The following DNAAF2 variants were observed in gnomAD, a reference collection of about 807,000 sequenced individuals.
The protein encoded by DNAAF2 is protein kintoun.
A neutral mutation model predicts 48.8 loss-of-function variants in DNAAF2; 58 were observed. That is an observed-to-expected ratio of 1.19 (90% CI 0.96 to 1.48). The LOEUF is 1.48. DNAAF2 is among the 40% of genes most tolerant of loss of function. The pLI, the probability that DNAAF2 is intolerant of heterozygous loss-of-function variation, is 0.00. For missense variants in DNAAF2, 1,241 were observed against 1,116.1 expected, an observed-to-expected ratio of 1.11 and a Z score of -1.59; for synonymous variants, 567 against 481.2, an observed-to-expected ratio of 1.18 and a Z score of -2.33.
At position 49,633,924 on chromosome 14, in the gene DNAAF2, C is replaced by A. The variant is rs2139581847; in HGVS notation, c.1226G>T (p.Gly409Val). 6.5e-7 allele frequency: 1 copy of A among 1,531,914 alleles called. No individual in the cohort carries two copies. Among genetic ancestry groups the A allele is most frequent in the Non-Finnish European group, 8.7e-7 (1 of 1,145,160 alleles). 94.9% of individuals were successfully genotyped at this position (1,531,914 alleles called of 1,614,324 possible). The change falls in exon 1 of 3, where the codon GGC (glycine) becomes GTC (valine). Residue 409 changes from glycine to valine, a missense_variant. Transcript: ENST00000298292. ...GHDTCVAGAA[G>V]SGVTTLGDPE... ...GTCGCCCAGGGTGGTGACCCCGGAG[C>A]CCGCAGCCCCAGCCACGCAGGTATC...
intron 2 of DNAAF2, among the ~76,000 whole-genome samples, chr14:49,626,465 G>T (rs554122989): frequency 2.2e-4 from 33 of 152,244 alleles, no homozygotes; most frequent in African/African-American, 7.7e-4. Context: ...CTCCAGCCTG[G>T]GTGACAGGGT....
rs139977680 is a variant in DNAAF2 at position 49,631,605 on chromosome 14, G to C, written c.1863+1682C>G. On this transcript the variant is annotated intron_variant, in intron 1 of 2. Coordinates refer to ENST00000298292, the MANE Select transcript of DNAAF2 (RefSeq NM_018139.3). Reference sequence around the variant, plus strand: ...CCCACTGCACTCCAGTCTGGGCGACGGTGCAAGACTCCATCTCAAAAAACA... The same window carrying C: ...CCCACTGCACTCCAGTCTGGGCGACCGTGCAAGACTCCATCTCAAAAAACA... Among the ~76,000 whole-genome samples the C allele has an allele frequency of 2.8e-4, 43 of 152,062 alleles. 1 individual carries two copies. In the East Asian group the frequency reaches 6.4e-3, roughly 23 times the overall value.
Position 49,627,959 on chromosome 14 carries a change from G to C in DNAAF2, c.2007+53C>G, listed in dbSNP as rs960669186. ...ATATTAAGAAATCAATAATTTGTTAGGTTTTAACTCTGTGCTTCATTACTC... is the reference window on the plus strand; with the variant it reads ...ATATTAAGAAATCAATAATTTGTTACGTTTTAACTCTGTGCTTCATTACTC... On this transcript the variant is annotated intron_variant, in intron 2 of 2. Coordinates refer to ENST00000298292, the MANE Select transcript of DNAAF2 (RefSeq NM_018139.3). 7 of 1,457,382 alleles carry C rather than the reference G, an allele frequency of 4.8e-6. No homozygotes were observed. The African/African-American group carries it at 1.0e-4, about 21-fold the overall frequency. The allele number at this position is 1,457,382 out of a possible 1,614,324, so 90.3% of individuals were successfully genotyped here. A position where few individuals can be genotyped will look rare whatever the true frequency, so the allele number is the denominator to read the frequency against.
Position 49,634,620 on chromosome 14 carries a change from C to A in DNAAF2, c.530G>T (p.Gly177Val). 6.2e-7 allele frequency: 1 copy of A among 1,607,002 alleles called. No individual in the cohort carries two copies. Residue 177 changes from glycine (G) to valine (V), a missense_variant, in exon 1 of 3, where the codon GGC becomes GTC. Gly to Val is a moderately radical substitution (Grantham distance 109). Transcript: ENST00000298292. Reference protein sequence around the residue: ...TALEAVEKQFGVKLDRRNAKT... With the variant: ...TALEAVEKQFVVKLDRRNAKT... Reference sequence around the variant, plus strand: ...GGCATTCCTGCGGTCCAGCTTCACGCCGAACTGCTTCTCGACGGCCTCCAG... The same window carrying A: ...GGCATTCCTGCGGTCCAGCTTCACGACGAACTGCTTCTCGACGGCCTCCAG...
rs58647073 is a variant in DNAAF2 at position 49,630,740 on chromosome 14, T to TACACACACACACACAC, written c.1863+2531_1863+2546dup. ...CACACACACACACACACAAACTCTCTACACACACACACACACTTTTTTTTT... is the reference window on the plus strand; with the variant it reads ...CACACACACACACACACAAACTCTCTACACACACACACACACACACACACACACACACTTTTTTTTT... On this transcript the variant is annotated intron_variant, in intron 1 of 2. Transcript: ENST00000298292. 3.5e-3 allele frequency among the ~76,000 whole-genome samples: 484 copies of TACACACACACACACAC among 136,848 alleles called. 2 individuals are homozygous for TACACACACACACACAC. Among genetic ancestry groups the TACACACACACACACAC allele is most frequent in the Middle Eastern group, 7.6e-3 (2 of 264 alleles). 89.8% of individuals were successfully genotyped at this position (136,848 alleles called of 152,430 possible). A position where few individuals can be genotyped will look rare whatever the true frequency, so the allele number is the denominator to read the frequency against.
In DNAAF2 at chr14:49,634,099, G is replaced by A. The variant is rs1566512457; in HGVS notation, c.1051C>T (p.Pro351Ser). ...QLVVTLPVVLPAARREPAVAV... is the reference protein window; with the variant it reads ...QLVVTLPVVLSAARREPAVAV... The stretch of plus-strand genomic sequence containing the variant: ...ACAGCGGGCTCCCGGCGCGCGGCCG[G>A]CAGCACCACTGGCAGCGTAACCACC... Residue 351 changes from proline to serine, a missense_variant, in exon 1 of 3, where the codon CCG becomes TCG. By Grantham distance (74) the Pro-to-Ser change is moderately conservative (BLOSUM62 -1). Transcript: ENST00000298292. 2 of 1,544,964 alleles carry A rather than the reference G, an allele frequency of 1.3e-6. No homozygotes were observed. The highest frequency in any genetic ancestry group is 2.4e-5 in the South Asian group (2 of 84,102).
chr14:49,627,058 T>A (rs1258757367), intron 2 of DNAAF2, among the ~76,000 whole-genome samples: 1 of 151,040 alleles, frequency 6.6e-6, no homozygotes, highest in African/African-American at 2.4e-5. Context: ...CCTGCCTCGG[T>A]CTCCCAAAGT....
chr14:49,634,898 C>T lies in DNAAF2; in HGVS notation c.252G>A (p.Gly84=). The part of the protein sequence containing the change: ...PGHVLRTSLD[G]ARRCFVNVCS... ...AGACATTCACAAAGCAGCGCCGCGCCCCGTCCAGGCTGGTGCGCAGCACAT... is the reference window on the plus strand; with the variant it reads ...AGACATTCACAAAGCAGCGCCGCGCTCCGTCCAGGCTGGTGCGCAGCACAT... The change falls in exon 1 of 3, where the codon GGG becomes GGA. Residue 84 remains glycine (G), a synonymous_variant. Transcript: ENST00000298292. 1 of 1,550,430 alleles carries T rather than the reference C, an allele frequency of 6.4e-7. No individual in the cohort carries two copies. Among genetic ancestry groups the T allele is most frequent in the Non-Finnish European group, 8.7e-7 (1 of 1,146,782 alleles).
At position 49,634,040 on chromosome 14, in the gene DNAAF2, C is replaced by T. The variant is rs886038643; in HGVS notation, c.1110G>A (p.Ala370=). 3.3e-6 allele frequency: 5 copies of T among 1,519,674 alleles called. No individual in the cohort carries two copies. Among genetic ancestry groups the T allele is most frequent in the East Asian group, 2.5e-5 (1 of 40,492 alleles). 94.1% of individuals were successfully genotyped at this position (1,519,674 alleles called of 1,614,324 possible). A position where few individuals can be genotyped will look rare whatever the true frequency, so the allele number is the denominator to read the frequency against. ...AVAAAAPEES[A]DRSGTDGQAC... ...CCTGGCCGTCAGTTCCGGACCGGTC[C>T]GCGGACTCTTCCGGCGCGGCGGCGG... The change falls in exon 1 of 3, where the codon GCG becomes GCA. Residue 370 remains alanine (A), a synonymous_variant. Coordinates refer to ENST00000298292, the MANE Select transcript of DNAAF2 (RefSeq NM_018139.3).
At chr14:49,630,372 T>C (rs965298795) in intron 1 of DNAAF2, among the ~76,000 whole-genome samples, 7 of 152,164 alleles carry the variant, frequency 4.6e-5, no homozygotes, top group African/African-American at 9.7e-5. Context: ...TCATGTCAAG[T>C]GAATACAGGT....
At position 49,625,869 on chromosome 14, in the gene DNAAF2, T is replaced by C. The variant is rs147110554; in HGVS notation, c.2187A>G (p.Gln729=). ...TTTGAGAAACATCAAGAGACTCTTG[T>C]TGAAAGCATGTAACTAAACCAAAGC... The part of the protein sequence containing the change: ...IDSFGLVTCF[Q]QESLDVSQMI... Residue 729 remains glutamine (Q), a synonymous_variant, in exon 3 of 3, where the codon CAA becomes CAG. Transcript: ENST00000298292. 2.4e-4 allele frequency: 387 copies of C among 1,612,550 alleles called. No individual in the cohort carries two copies. The African/African-American group carries it at 3.4e-3, about 14-fold the overall frequency.
chr14:49,634,582 C>T lies in DNAAF2; in HGVS notation c.568G>A (p.Ala190Thr), dbSNP rs578053535. 7 of 1,605,824 alleles carry T rather than the reference C, an allele frequency of 4.4e-6. No homozygotes were observed. The highest frequency in any genetic ancestry group is 1.3e-5 in the African/African-American group (1 of 75,058). The change falls in exon 1 of 3, where the codon GCC (alanine) becomes ACC (threonine). Residue 190 changes from alanine to threonine, a missense_variant. Transcript: ENST00000298292. ...GCCTCTGGGGTCCCCTTATACTTGG[C>T]CTTCAGGGTCTTGGCATTCCTGCGG... ...LDRRNAKTLK[A>T]KYKGTPEAAV...
chr14:49,635,190 G>C lies in DNAAF2; in HGVS notation c.-41C>G. The C allele has an allele frequency of 3.2e-6, 5 of 1,540,148 alleles. No homozygotes were observed. Among genetic ancestry groups the C allele is most frequent in the Non-Finnish European group, 4.4e-6 (5 of 1,138,874 alleles). ...CTCGCCCTCGGGCCAAAGGCGATCAGTCTGACACTGGGTTGGGGGATCCGC... is the reference window on the plus strand; with the variant it reads ...CTCGCCCTCGGGCCAAAGGCGATCACTCTGACACTGGGTTGGGGGATCCGC... On this transcript the variant is annotated 5_prime_UTR_variant, in exon 1 of 3. Coordinates refer to ENST00000298292, the MANE Select transcript of DNAAF2 (RefSeq NM_018139.3).
chr14:49,625,675 G>A lies in DNAAF2; in HGVS notation c.2381C>T (p.Thr794Met), dbSNP rs185361306. The change falls in exon 3 of 3, where the codon ACG becomes ATG. Residue 794 changes from threonine to methionine, a missense_variant. Transcript: ENST00000298292. ...GTCGAATCCAGGTATATTGTGAACC[G>A]TAGTTTTGTTCAGTAATGAAGATAG... Reference protein sequence around the residue: ...DHLSSLLNKTTVHNIPGFDSI... With the variant: ...DHLSSLLNKTMVHNIPGFDSI... The A allele has an allele frequency of 2.0e-5, 32 of 1,613,684 alleles. No individual in the cohort carries two copies. In the East Asian group the frequency reaches 4.2e-4, roughly 21 times the overall value.
In DNAAF2 at chr14:49,633,804, C is replaced by A; in HGVS notation, c.1346G>T (p.Gly449Val). Residue 449 changes from glycine to valine, a missense_variant, in exon 1 of 3, where the codon GGC (glycine) becomes GTC (valine). Coordinates refer to ENST00000298292, the MANE Select transcript of DNAAF2 (RefSeq NM_018139.3). ...DLSRHAGSPP[G>V]SVEEPSPGGE... Reference sequence around the variant, plus strand: ...TCCAGGAGATGGCTCCTCCACGCTGCCCGGCGGTGACCCCGCGTGCCTGCT... The same window carrying A: ...TCCAGGAGATGGCTCCTCCACGCTGACCGGCGGTGACCCCGCGTGCCTGCT... 1 of 1,589,276 alleles carries A rather than the reference C, an allele frequency of 6.3e-7. No homozygotes were observed. Among genetic ancestry groups the A allele is most frequent in the Non-Finnish European group, 8.5e-7 (1 of 1,174,844 alleles).
rs1393464338 is a variant in DNAAF2 at position 49,635,136 on chromosome 14, G to A, written c.14C>T (p.Ala5Val). The change falls in exon 1 of 3, where the codon GCG (alanine) becomes GTG (valine). Residue 5 changes from alanine (A) to valine (V), a missense_variant. Transcript: ENST00000298292. MAKA[A>V]ASSSLEDLDL... is the part of the protein sequence containing the mutation. ...CAAGTCCTCCAGCGACGAGGAGGCC[G>A]CCGCTTTGGCCATACTGTCCTGTGG... 7 of 1,559,360 alleles carry A rather than the reference G, an allele frequency of 4.5e-6. No individual in the cohort carries two copies. The Admixed American group carries it at 9.6e-5, about 21-fold the overall frequency.
chr14:49,634,405 CGGGCTGCAAGGCCGCTTCCGGAGGGGA>C lies in DNAAF2; in HGVS notation c.718_744del (p.Ser240_Pro248del). ...ACGCTGTAGCGAGGCTCGGTGGGGG[CGGGCTGCAAGGCCGCTTCCGGAGGGGA>C]GGGCGCCCGGGGCCCGGGGGCTGCC... On this transcript the variant is annotated inframe_deletion, in exon 1 of 3. Coordinates refer to ENST00000298292, the MANE Select transcript of DNAAF2 (RefSeq NM_018139.3). 6.3e-7 allele frequency: 1 copy of C among 1,581,086 alleles called. No individual in the cohort carries two copies. The highest frequency in any genetic ancestry group is 8.6e-7 in the Non-Finnish European group (1 of 1,164,036).
rs1594608472 is a variant in DNAAF2, at chr14:49,634,032, G to C, written c.1118C>G (p.Ser373Cys). The C allele has an allele frequency of 6.6e-7, 1 of 1,521,272 alleles. No homozygotes were observed. The highest frequency in any genetic ancestry group is 8.8e-7 in the Non-Finnish European group (1 of 1,139,682). The allele number at this position is 1,521,272 out of a possible 1,614,324, so 94.2% of individuals were successfully genotyped here. Residue 373 changes from serine (S) to cysteine (C), a missense_variant, in exon 1 of 3, where the codon TCC (serine) becomes TGC (cysteine). Physicochemically the swap from Ser to Cys is moderately radical, Grantham distance 112. Transcript: ENST00000298292. ...AAAPEESADR[S>C]GTDGQACASA... Reference sequence around the variant, plus strand: ...AGCGCAGGCCTGGCCGTCAGTTCCGGACCGGTCCGCGGACTCTTCCGGCGC... The same window carrying C: ...AGCGCAGGCCTGGCCGTCAGTTCCGCACCGGTCCGCGGACTCTTCCGGCGC...
In DNAAF2 at chr14:49,634,790, G is replaced by T; in HGVS notation, c.360C>A (p.Ser120=). Residue 120 remains serine, a synonymous_variant, in exon 1 of 3, where the codon TCC becomes TCA. Coordinates refer to ENST00000298292, the MANE Select transcript of DNAAF2 (RefSeq NM_018139.3). ...GGCCGGGCGCCAGGCTGTAGGGCAG[G>T]GACCAGTGGCTGCCAGGAGCTGCGC... ...DRGAAPGSHW[S]LPYSLAPGRE... is the part of the protein sequence containing the mutation. The T allele has an allele frequency of 6.4e-7, 1 of 1,572,712 alleles. No individual in the cohort carries two copies.
Sources: allele counts gnomAD v4.1 joint callset (sites outside exome capture counted in the v4.1 genomes callset), GRCh38; gene constraint gnomAD v4.1.1; transcripts MANE v1.5; gene names NCBI Gene and HGNC (gene_info 2026-07-23, HGNC 2026-07-21).